DRD5: variants seen among roughly 807,000 people sequenced by gnomAD.
DRD5 encodes the protein dopamine receptor D5.
For synonymous variants in DRD5, 327 were observed against 277.1 expected (o/e 1.18, Z -1.79); for missense variants, 758 against 657.8 (o/e 1.15, Z -1.67).
Position 9,782,586 on chromosome 4 carries a change from C to A in DRD5, c.557C>A (p.Ala186Asp). ...VQLNWHRDQAASWGGLDLPNN... is the reference protein window; with the variant it reads ...VQLNWHRDQADSWGGLDLPNN... Reference sequence around the variant, plus strand: ...CTCAACTGGCACAGGGACCAGGCGGCCTCTTGGGGCGGGCTGGACCTGCCA... The same window carrying A: ...CTCAACTGGCACAGGGACCAGGCGGACTCTTGGGGCGGGCTGGACCTGCCA... The change falls in exon 1 of 1, where the codon GCC becomes GAC. Residue 186 changes from alanine (A) to aspartate (D), a missense_variant. Transcript: ENST00000304374. 1 of 1,613,964 alleles carries A rather than the reference C, an allele frequency of 6.2e-7. No homozygotes were observed. The highest frequency in any genetic ancestry group is 1.3e-5 in the African/African-American group (1 of 75,062).
At position 9,783,280 on chromosome 4, in the gene DRD5, C is replaced by T. The variant is rs774768050; in HGVS notation, c.1251C>T (p.Ala417=). 8.1e-6 allele frequency: 13 copies of T among 1,614,100 alleles called. No homozygotes were observed. Among genetic ancestry groups the T allele is most frequent in the Middle Eastern group, 1.6e-4 (1 of 6,084 alleles). Residue 417 remains alanine, a synonymous_variant, in exon 1 of 1, where the codon GCC becomes GCT. Transcript: ENST00000304374. ...AAAYIHMMPN[A]VTPGNREVDN... is the part of the protein sequence containing the mutation. ...CCTACATCCACATGATGCCCAACGC[C>T]GTTACCCCCGGCAACCGGGAGGTGG...
rs747489876 is a variant in DRD5 at position 9,782,108 on chromosome 4, G to A, written c.79G>A (p.Val27Met). The change falls in exon 1 of 1, where the codon GTG becomes ATG. Residue 27 changes from valine (V) to methionine (M), a missense_variant. Physicochemically the swap from Val to Met is conservative, Grantham distance 21 (BLOSUM62 1). Coordinates refer to ENST00000304374, the MANE Select transcript of DRD5 (RefSeq NM_000798.5). ...CCAGCAGCTGGCGCAGGGGAACGCC[G>A]TGGGGGGCTCGGCGGGGGCACCGCC... The part of the protein sequence containing the change: ...LYQQLAQGNA[V>M]GGSAGAPPLG... 4 of 1,546,514 alleles carry A rather than the reference G, an allele frequency of 2.6e-6. No individual in the cohort carries two copies. Among genetic ancestry groups the A allele is most frequent in the Non-Finnish European group, 3.5e-6 (4 of 1,146,640 alleles).
chr4:9,783,041 G>A lies in DRD5; in HGVS notation c.1012G>A (p.Glu338Lys), dbSNP rs866989959. The change falls in exon 1 of 1, where the codon GAG becomes AAG. Residue 338 changes from glutamate to lysine, a missense_variant. Transcript: ENST00000304374. Reference protein sequence around the residue: ...GPPAGFPCVSETTFDVFVWFG... With the variant: ...GPPAGFPCVSKTTFDVFVWFG... ...TCCGGCCGGCTTCCCCTGCGTCAGTGAGACCACCTTCGACGTCTTCGTCTG... is the reference window on the plus strand; with the variant it reads ...TCCGGCCGGCTTCCCCTGCGTCAGTAAGACCACCTTCGACGTCTTCGTCTG... 6.2e-7 allele frequency: 1 copy of A among 1,614,124 alleles called. No homozygotes were observed. The highest frequency in any genetic ancestry group is 1.3e-5 in the African/African-American group (1 of 75,060).
chr4:9,782,039 C>A lies in DRD5; in HGVS notation c.10C>A (p.Pro4Thr). 1.4e-6 allele frequency: 2 copies of A among 1,470,076 alleles called. No individual in the cohort carries two copies. Among genetic ancestry groups the A allele is most frequent in the Non-Finnish European group, 9.0e-7 (1 of 1,115,484 alleles). The allele number at this position is 1,470,076 out of a possible 1,614,324, so 91.1% of individuals were successfully genotyped here. A position where few individuals can be genotyped will look rare whatever the true frequency, so the allele number is the denominator to read the frequency against. ...TGCAGTCCAGCCCGAAATGCTGCCG[C>A]CAGGCAGCAACGGCACCGCGTACCC... The part of the protein sequence containing the change: MLP[P>T]GSNGTAYPGQ... Residue 4 changes from proline to threonine, a missense_variant, in exon 1 of 1, where the codon CCA (proline) becomes ACA (threonine). Coordinates refer to ENST00000304374, the MANE Select transcript of DRD5 (RefSeq NM_000798.5).
At position 9,783,409 on chromosome 4, in the gene DRD5, G is replaced by T. The variant is rs762916143; in HGVS notation, c.1380G>T (p.Glu460Asp). Residue 460 changes from glutamate (E) to aspartate (D), a missense_variant, in exon 1 of 1, where the codon GAG becomes GAT. Glu to Asp is a conservative substitution (Grantham distance 45). Coordinates refer to ENST00000304374, the MANE Select transcript of DRD5 (RefSeq NM_000798.5). Reference protein sequence around the residue: ...VAESVWELDCEGEISLDKITP... With the variant: ...VAESVWELDCDGEISLDKITP... ...AGTCTGTCTGGGAGCTGGACTGCGA[G>T]GGGGAGATTTCTTTAGACAAAATAA... 3.1e-6 allele frequency: 5 copies of T among 1,614,024 alleles called. No homozygotes were observed. The highest frequency in any genetic ancestry group is 1.7e-5 in the Admixed American group (1 of 60,018).
chr4:9,783,313 C>T lies in DRD5; in HGVS notation c.1284C>T (p.Asp428=), dbSNP rs201092734. The part of the protein sequence containing the change: ...VTPGNREVDN[D]EEEGPFDRMF... ...CCGGCAACCGGGAGGTGGACAACGA[C>T]GAGGAGGAGGGTCCTTTCGATCGCA... Residue 428 remains aspartate, a synonymous_variant, in exon 1 of 1, where the codon GAC becomes GAT. Transcript: ENST00000304374. 18 of 1,614,106 alleles carry T rather than the reference C, an allele frequency of 1.1e-5. No individual in the cohort carries two copies. The highest frequency in any genetic ancestry group is 1.4e-5 in the Non-Finnish European group (16 of 1,180,060).
In DRD5 at chr4:9,782,992, C is replaced by T. The variant is rs1274409054; in HGVS notation, c.963C>T (p.Phe321=). ...PFFILNCMVP[F]CSGHPEGPPA... is the part of the protein sequence containing the mutation. ...TCATCCTTAACTGCATGGTCCCTTTCTGCAGTGGACACCCCGAAGGCCCTC... is the reference window on the plus strand; with the variant it reads ...TCATCCTTAACTGCATGGTCCCTTTTTGCAGTGGACACCCCGAAGGCCCTC... Residue 321 remains phenylalanine, a synonymous_variant, in exon 1 of 1, where the codon TTC becomes TTT. Transcript: ENST00000304374. The T allele has an allele frequency of 1.3e-5, 21 of 1,614,234 alleles. No individual in the cohort carries two copies. The highest frequency in any genetic ancestry group is 1.8e-5 in the Non-Finnish European group (21 of 1,180,036).
chr4:9,782,809 C>T lies in DRD5; in HGVS notation c.780C>T (p.Ser260=). 6.2e-7 allele frequency: 1 copy of T among 1,613,820 alleles called. No individual in the cohort carries two copies. The highest frequency in any genetic ancestry group is 8.5e-7 in the Non-Finnish European group (1 of 1,179,760). Residue 260 remains serine (S), a synonymous_variant, in exon 1 of 1, where the codon TCC becomes TCT. Transcript: ENST00000304374. ...RIAQVQIRRI[S]SLERAAEHAQ... is the part of the protein sequence containing the mutation. ...CCCAGGTGCAGATCCGCAGGATTTC[C>T]TCCCTGGAGAGGGCCGCAGAGCACG...
chr4:9,783,425 G>A lies in DRD5; in HGVS notation c.1396G>A (p.Asp466Asn). 1.2e-6 allele frequency: 2 copies of A among 1,613,590 alleles called. No homozygotes were observed. Among genetic ancestry groups the A allele is most frequent in the East Asian group, 2.2e-5 (1 of 44,868 alleles). ...GGACTGCGAGGGGGAGATTTCTTTA[G>A]ACAAAATAACACCTTTCACCCCGAA... Reference protein sequence around the residue: ...ELDCEGEISLDKITPFTPNGF... With the variant: ...ELDCEGEISLNKITPFTPNGF... Residue 466 changes from aspartate to asparagine, a missense_variant, in exon 1 of 1, where the codon GAC becomes AAC. Transcript: ENST00000304374.
chr4:9,782,731 C>T lies in DRD5; in HGVS notation c.702C>T (p.Phe234=), dbSNP rs199843999. 1.2e-6 allele frequency: 2 copies of T among 1,614,050 alleles called. No homozygotes were observed. The highest frequency in any genetic ancestry group is 2.7e-5 in the African/African-American group (2 of 75,068). The change falls in exon 1 of 1, where the codon TTC becomes TTT. Residue 234 remains phenylalanine, a synonymous_variant. Transcript: ENST00000304374. ...TYAISSSLIS[F]YIPVAIMIVT... The stretch of plus-strand genomic sequence containing the variant: ...CCATCTCTTCCTCGCTCATCAGCTT[C>T]TACATCCCCGTTGCCATCATGATCG...
Position 9,782,905 on chromosome 4 carries a change from C to G in DRD5, c.876C>G (p.Thr292=). ...TGCGCGCTTCCATCAAGAAGGAGAC[C>G]AAGGTTCTCAAGACCCTGTCGGTGA... ...TSLRASIKKE[T]KVLKTLSVIM... The change falls in exon 1 of 1, where the codon ACC becomes ACG. Residue 292 remains threonine (T), a synonymous_variant. Transcript: ENST00000304374. The G allele has an allele frequency of 1.9e-6, 3 of 1,613,958 alleles. No homozygotes were observed. The highest frequency in any genetic ancestry group is 2.5e-6 in the Non-Finnish European group (3 of 1,180,006).
At position 9,782,069 on chromosome 4, in the gene DRD5, C is replaced by T. The variant is rs1161402888; in HGVS notation, c.40C>T (p.Gln14Ter). The T allele has an allele frequency of 6.7e-7, 1 of 1,497,964 alleles. No homozygotes were observed. Among genetic ancestry groups the T allele is most frequent in the South Asian group, 1.4e-5 (1 of 73,360 alleles). 92.8% of individuals were successfully genotyped at this position (1,497,964 alleles called of 1,614,324 possible). A position where few individuals can be genotyped will look rare whatever the true frequency, so the allele number is the denominator to read the frequency against. The change falls in exon 1 of 1, where the codon CAG becomes TAG. Residue 14 changes from glutamine (Q) to a stop codon, truncating the protein, a stop_gained. Transcript: ENST00000304374. LOFTEE classifies it low-confidence loss of function (END_TRUNC). ...CAGCAACGGCACCGCGTACCCGGGGCAGTTCGCTCTATACCAGCAGCTGGC... is the reference window on the plus strand; with the variant it reads ...CAGCAACGGCACCGCGTACCCGGGGTAGTTCGCTCTATACCAGCAGCTGGC... ...PGSNGTAYPG[Q>*]FALYQQLAQG...
Position 9,783,733 on chromosome 4 carries a change from A to G in DRD5, c.*270A>G. 2.9e-6 allele frequency: 1 copy of G among 348,480 alleles called. No homozygotes were observed. The highest frequency in any genetic ancestry group is 5.4e-6 in the Non-Finnish European group (1 of 183,870). 21.6% of individuals were successfully genotyped at this position (348,480 alleles called of 1,614,324 possible). A position where few individuals can be genotyped will look rare whatever the true frequency, so the allele number is the denominator to read the frequency against. On this transcript the variant is annotated 3_prime_UTR_variant, in exon 1 of 1. Transcript: ENST00000304374. ...AGAGAGTATGGTGCTGGGTCCTTAA[A>G]AAAAAAAATGATACTTGGTCCTTAA... is the stretch of plus-strand genomic sequence containing the variant.
chr4:9,782,777 C>G lies in DRD5; in HGVS notation c.748C>G (p.Arg250Gly). Residue 250 changes from arginine (R) to glycine (G), a missense_variant, in exon 1 of 1, where the codon CGC (arginine) becomes GGC (glycine). By Grantham distance (125) the Arg-to-Gly change is moderately radical. Coordinates refer to ENST00000304374, the MANE Select transcript of DRD5 (RefSeq NM_000798.5). ...GATCGTGACCTACACGCGCATCTAC[C>G]GCATCGCCCAGGTGCAGATCCGCAG... ...IMIVTYTRIY[R>G]IAQVQIRRIS... 6.2e-7 allele frequency: 1 copy of G among 1,614,020 alleles called. No homozygotes were observed. The highest frequency in any genetic ancestry group is 1.1e-5 in the South Asian group (1 of 91,080).
rs1718830028 is a variant in DRD5, at chr4:9,783,628, A to C, written c.*165A>C. 1.4e-6 allele frequency: 1 copy of C among 691,770 alleles called. No homozygotes were observed. Among genetic ancestry groups the C allele is most frequent in the Admixed American group, 3.1e-5 (1 of 32,342 alleles). The allele number at this position is 691,770 out of a possible 1,614,324, so 42.9% of individuals were successfully genotyped here. ...CTCACCCCATTGATTGGTAGTTCGA[A>C]GAATTGGCAGAAGCAGTTGCAATAA... On this transcript the variant is annotated 3_prime_UTR_variant, in exon 1 of 1. Coordinates refer to ENST00000304374, the MANE Select transcript of DRD5 (RefSeq NM_000798.5).
At position 9,781,851 on chromosome 4, in the gene DRD5, G is replaced by C. The variant is rs1243678285; in HGVS notation, c.-179G>C. ...GGCCATGGAGCCAGAGGCGCTTCAG[G>C]AGGCAAGAGAAGTCCCCGCGCGCTC... On this transcript the variant is annotated 5_prime_UTR_variant, in exon 1 of 1. Transcript: ENST00000304374. 2.0e-6 allele frequency: 1 copy of C among 495,008 alleles called. No homozygotes were observed. The highest frequency in any genetic ancestry group is 2.0e-5 in the African/African-American group (1 of 49,482). 30.7% of individuals were successfully genotyped at this position (495,008 alleles called of 1,614,324 possible).
rs763209393 is a variant in DRD5 at position 9,782,919 on chromosome 4, C to A, written c.890C>A (p.Thr297Asn). ...SIKKETKVLK[T>N]LSVIMGVFVC... ...AAGAAGGAGACCAAGGTTCTCAAGACCCTGTCGGTGATCATGGGGGTCTTC... is the reference window on the plus strand; with the variant it reads ...AAGAAGGAGACCAAGGTTCTCAAGAACCTGTCGGTGATCATGGGGGTCTTC... Residue 297 changes from threonine to asparagine, a missense_variant, in exon 1 of 1, where the codon ACC (threonine) becomes AAC (asparagine). Coordinates refer to ENST00000304374, the MANE Select transcript of DRD5 (RefSeq NM_000798.5). The A allele has an allele frequency of 2.5e-6, 4 of 1,613,864 alleles. No individual in the cohort carries two copies. Among genetic ancestry groups the A allele is most frequent in the South Asian group, 2.2e-5 (2 of 91,082 alleles).
Position 9,782,335 on chromosome 4 carries a change from G to A in DRD5, c.306G>A (p.Glu102=), listed in dbSNP as rs769659017. ...TCATGCCCTGGAAGGCAGTCGCCGA[G>A]GTGGCCGGTTACTGGCCCTTTGGAG... ...LLVMPWKAVA[E]VAGYWPFGAF... The change falls in exon 1 of 1, where the codon GAG becomes GAA. Residue 102 remains glutamate (E), a synonymous_variant. Transcript: ENST00000304374. 6 of 1,613,926 alleles carry A rather than the reference G, an allele frequency of 3.7e-6. No homozygotes were observed. Among genetic ancestry groups the A allele is most frequent in the African/African-American group, 1.3e-5 (1 of 74,950 alleles).
rs546007578 is a variant in DRD5, at chr4:9,782,477, C to A, written c.448C>A (p.Arg150Ser). The change falls in exon 1 of 1, where the codon CGC (arginine) becomes AGC (serine). Residue 150 changes from arginine (R) to serine (S), a missense_variant. By Grantham distance (110) the Arg-to-Ser change is moderately radical (BLOSUM62 -1). Coordinates refer to ENST00000304374, the MANE Select transcript of DRD5 (RefSeq NM_000798.5). ...WAISRPFRYK[R>S]KMTQRMALVM... ...CATCTCCAGGCCCTTCCGCTACAAG[C>A]GCAAGATGACTCAGCGCATGGCCTT... The A allele has an allele frequency of 6.2e-7, 1 of 1,613,968 alleles. No individual in the cohort carries two copies. The highest frequency in any genetic ancestry group is 1.1e-5 in the South Asian group (1 of 91,082).
Sources: gnomAD v4.1 joint callset for allele counts on GRCh38, gnomAD v4.1.1 for gene constraint, MANE v1.5 for transcripts, NCBI Gene and HGNC (gene_info 2026-07-23, HGNC 2026-07-21) for gene names.